The following TTLL5 variants were observed in gnomAD, a reference collection of about 807,000 sequenced individuals.
The protein encoded by TTLL5 is tubulin polyglutamylase TTLL5.
A neutral mutation model predicts 168.4 loss-of-function variants in TTLL5; 132 were observed. The observed-to-expected ratio is 0.78, with a 90% CI of 0.68 to 0.91. TTLL5 has a LOEUF of 0.91. Ranked by LOEUF, TTLL5 falls within the 40% of genes least tolerant of loss-of-function variation. The probability of loss-of-function intolerance (pLI) is 0.00; values close to 1 mark genes in which losing one functional copy is unlikely to be tolerated. For synonymous variants in TTLL5, 546 were observed against 558.6 expected (o/e 0.98, Z 0.32); for missense variants, 1,545 against 1,581.5 (o/e 0.98, Z 0.39).
At chr14:75,824,252 C>T (rs1416503322) in intron 28 of TTLL5, among the ~76,000 whole-genome samples, 2 of 152,058 alleles carry the variant, frequency 1.3e-5, no homozygotes, top group Admixed American at 6.6e-5. Context: ...TGGGTAGGGC[C>T]TAAAAGACTT....
intron 10 of TTLL5, among the ~76,000 whole-genome samples, chr14:75,719,504 T>C (rs904973057): frequency 3.9e-5 from 6 of 152,348 alleles, no homozygotes; most frequent in African/African-American, 1.2e-4. Context: ...TGCCGCCTTC[T>C]TCCCCACCCT....
At chr14:75,709,769 A>G (rs1383673682) in intron 9 of TTLL5, 4 of 136,040 alleles carry the variant, frequency 2.9e-5, no homozygotes, top group African/African-American at 1.1e-4. Context: ...AGACGGGAGG[A>G]TTGCCTGAGG....
chr14:75,826,331 A>G (rs939216958), intron 28 of TTLL5, among the ~76,000 whole-genome samples: 84 of 150,762 alleles, frequency 5.6e-4, no homozygotes, highest in African/African-American at 2.0e-3. Flanking sequence ...ACACACACAC[A>G]CGAGTCTTTG....
intron 31 of TTLL5, among the ~76,000 whole-genome samples, chr14:75,914,205 T>G (rs1471404459): frequency 2.0e-5 from 3 of 151,218 alleles, no homozygotes; most frequent in African/African-American, 7.3e-5. Context: ...AGTTTAACAC[T>G]TCTTCAGATT....
At chr14:75,852,994 C>T (rs1008195367) in intron 28 of TTLL5, among the ~76,000 whole-genome samples, 2 of 152,276 alleles carry the variant, frequency 1.3e-5, no homozygotes, top group East Asian at 3.9e-4. Flanking sequence ...GAGTAGTTAT[C>T]AATCATTCAT....
At chr14:75,886,757 C>T (rs751723192) in intron 30 of TTLL5, 82 of 1,597,406 alleles carry the variant, frequency 5.1e-5, no homozygotes, top group Non-Finnish European at 6.5e-5. Flanking sequence ...AAGCAGTCAG[C>T]TGAACTGAGG....
At chr14:75,684,450 A>C (rs1297132281) in intron 5 of TTLL5, 1 of 152,148 alleles carries the variant, frequency 6.6e-6, no homozygotes, top group Admixed American at 6.5e-5. Context: ...GGTAGTTTCT[A>C]TTTCTTTGTT....
intron 29 of TTLL5, among the ~76,000 whole-genome samples, chr14:75,878,294 G>C (rs1320381470): frequency 2.0e-5 from 3 of 152,166 alleles, no homozygotes; most frequent in Admixed American, 2.0e-4. Flanking sequence ...CACATAGTTA[G>C]AAATCTAGAG....
chr14:75,757,273 C>T lies in TTLL5; in HGVS notation c.1550+4318C>T, dbSNP rs147430071. Among the ~76,000 whole-genome samples, 268 of 152,194 alleles carry T rather than the reference C, an allele frequency of 1.8e-3. 5 individuals carry two copies. The highest frequency in any genetic ancestry group is 5.6e-3 in the African/African-American group (233 of 41,538). On this transcript the variant is annotated intron_variant, in intron 18 of 31. Coordinates refer to ENST00000298832, the MANE Select transcript of TTLL5 (RefSeq NM_015072.5). ...GATTACAGCTGTGAGCCAATGCGCC[C>T]GTCCTTTTAATAGAGATTTTTTTTT...
chr14:75,733,304 GGCCAGAGCA>G (rs1051648863), intron 13 of TTLL5, among the ~76,000 whole-genome samples: 39 of 152,120 alleles, frequency 2.6e-4, no homozygotes, highest in African/African-American at 9.4e-4. Context: ...TGAGTATAGC[GGCCAGAGCA>G]GTTTGGTTCA....
chr14:75,762,131 C>G (rs1465758263), intron 18 of TTLL5, among the ~76,000 whole-genome samples: 1 of 152,062 alleles, frequency 6.6e-6, no homozygotes, highest in Non-Finnish European at 1.5e-5. Flanking sequence ...CGTGGTGGCT[C>G]ACACCTGTAA....
intron 26 of TTLL5, among the ~76,000 whole-genome samples, chr14:75,791,347 G>A (rs992238668): frequency 6.6e-6 from 1 of 152,074 alleles, no homozygotes; most frequent in Non-Finnish European, 1.5e-5. Context: ...TTATAAAATG[G>A]AATGCCAGAC....
intron 18 of TTLL5, among the ~76,000 whole-genome samples, chr14:75,762,617 A>C (rs1382742359): frequency 6.6e-6 from 1 of 152,098 alleles, no homozygotes; most frequent in African/African-American, 2.4e-5. Flanking sequence ...TCAGATTCAT[A>C]TTTTACCCAG....
intron 31 of TTLL5, among the ~76,000 whole-genome samples, chr14:75,943,444 T>G (rs2034674453): frequency 6.6e-6 from 1 of 152,168 alleles, no homozygotes; most frequent in African/African-American, 2.4e-5. Context: ...TGGTGCTAAA[T>G]GGAGTGGAGA....
intron 29 of TTLL5, among the ~76,000 whole-genome samples, chr14:75,869,589 A>C (rs1450617873): frequency 6.6e-6 from 1 of 152,076 alleles, no homozygotes; most frequent in East Asian, 1.9e-4. Flanking sequence ...CCCTCTTATT[A>C]GCCTCATTTC....
At chr14:75,736,595 A>C (rs1468805285) in intron 15 of TTLL5, among the ~76,000 whole-genome samples, 1 of 152,190 alleles carries the variant, frequency 6.6e-6, no homozygotes, top group Non-Finnish European at 1.5e-5. Context: ...AGTGTGGGCC[A>C]GGTGTTATGA....
intron 28 of TTLL5, among the ~76,000 whole-genome samples, chr14:75,840,330 A>C (rs1313285614): frequency 6.6e-6 from 1 of 152,180 alleles, no homozygotes; most frequent in Non-Finnish European, 1.5e-5. Flanking sequence ...TGCACCTATC[A>C]ACCTGTCATC....
intron 26 of TTLL5, among the ~76,000 whole-genome samples, chr14:75,785,024 C>G (rs1892281314): frequency 6.6e-6 from 1 of 151,974 alleles, no homozygotes; most frequent in South Asian, 2.1e-4. Context: ...TATTTTTTCC[C>G]TACTTGATGG....
At chr14:75,710,627 T>G (rs974599113) in intron 9 of TTLL5, 1 of 152,164 alleles carries the variant, frequency 6.6e-6, no homozygotes, top group Non-Finnish European at 1.5e-5. Context: ...TTTGCGGGAG[T>G]CCTGCGAGGG....
Sources: allele counts gnomAD v4.1 joint callset (sites outside exome capture counted in the v4.1 genomes callset), GRCh38; gene constraint gnomAD v4.1.1; transcripts MANE v1.5; gene names NCBI Gene and HGNC (gene_info 2026-07-23, HGNC 2026-07-21).